The following DDAH1 variants were observed in gnomAD, a reference collection of about 807,000 sequenced individuals.
The protein encoded by DDAH1 is N(G),N(G)-dimethylarginine dimethylaminohydrolase 1.
A neutral mutation model predicts 28.8 loss-of-function variants in DDAH1; 19 were observed. That is an observed-to-expected ratio of 0.66 (90% CI 0.46 to 0.97). DDAH1 has a LOEUF of 0.97. DDAH1 is among the 50% of genes least tolerant of loss of function. The pLI is 0.00. For synonymous variants in DDAH1, 153 were observed against 154.4 expected (o/e 0.99, Z 0.07); for missense variants, 326 against 375.9 (o/e 0.87, Z 1.10).
At chr1:85,383,828 C>T (rs533968984) in intron 1 of DDAH1, among the ~76,000 whole-genome samples, 2 of 152,248 alleles carry the variant, frequency 1.3e-5, no homozygotes, top group South Asian at 4.2e-4. Context: ...ATTTTTTAGC[C>T]ATAAAATATT....
intron 1 of DDAH1, among the ~76,000 whole-genome samples, chr1:85,443,609 A>G (rs1489990141): frequency 6.6e-6 from 1 of 152,174 alleles, no homozygotes; most frequent in Non-Finnish European, 1.5e-5. Context: ...TCTATAAATT[A>G]CCTTGGGCAG....
intron 1 of DDAH1, among the ~76,000 whole-genome samples, chr1:85,446,050 G>A (rs1654413133): frequency 6.6e-6 from 1 of 152,176 alleles, no homozygotes; most frequent in Non-Finnish European, 1.5e-5. Context: ...GTGCATGTCT[G>A]ACTGTGGCAT....
intron 1 of DDAH1, among the ~76,000 whole-genome samples, chr1:85,400,177 C>CTTTTTTTT (rs61677601): frequency 5.5e-5 from 3 of 54,932 alleles, no homozygotes; most frequent in African/African-American, 1.1e-4. Context: ...CTTTTCTTTT[C>CTTTTTTTT]TTTTTTTTTT....
chr1:85,331,438 T>A (rs1359371470), intron 4 of DDAH1, among the ~76,000 whole-genome samples: 1 of 151,362 alleles, frequency 6.6e-6, no homozygotes, highest in South Asian at 2.1e-4. Flanking sequence ...TATATATATA[T>A]AACATAATGT....
At chr1:85,570,363 G>GACAC (rs1557770693) in intron 1 of DDAH1, among the ~76,000 whole-genome samples, 6 of 46,466 alleles carry the variant, frequency 1.3e-4, no homozygotes, top group African/African-American at 4.1e-4. Flanking sequence ...CACACACACT[G>GACAC]TCACACACAC....
intron 1 of DDAH1, among the ~76,000 whole-genome samples, chr1:85,559,396 A>C (rs1307705603): frequency 1.3e-5 from 2 of 152,228 alleles, no homozygotes; most frequent in Non-Finnish European, 2.9e-5. Flanking sequence ...TATTTAAAGA[A>C]TGACAACAAA....
chr1:85,360,651 A>G (rs1557521029), intron 1 of DDAH1, among the ~76,000 whole-genome samples: 1 of 152,206 alleles, frequency 6.6e-6, no homozygotes, highest in East Asian at 1.9e-4. Flanking sequence ...GAGCAATAAC[A>G]TAAATTTTGG....
intron 2 of DDAH1, among the ~76,000 whole-genome samples, chr1:85,471,241 G>A (rs1173049110): frequency 6.6e-6 from 1 of 152,182 alleles, no homozygotes; most frequent in Non-Finnish European, 1.5e-5. Context: ...TATGGTTCCA[G>A]CTCTCAGCTG....
At chr1:85,493,852 T>C (rs750356890) in intron 2 of DDAH1, 14 of 152,230 alleles carry the variant, frequency 9.2e-5, no homozygotes, top group Non-Finnish European at 1.8e-4. Flanking sequence ...CCAACGCATC[T>C]AATAAATTAA....
intron 4 of DDAH1, among the ~76,000 whole-genome samples, chr1:85,347,002 G>A (rs531706012): frequency 0.031 from 4,722 of 152,064 alleles, 96 homozygotes; most frequent in Non-Finnish European, 0.05. Flanking sequence ...GCAGCCAACA[G>A]ACACATGAAA....
intron 1 of DDAH1, among the ~76,000 whole-genome samples, chr1:85,524,264 C>T (rs535388527): frequency 7.3e-6 from 1 of 136,876 alleles, no homozygotes; most frequent in African/African-American, 2.7e-5. Context: ...ATGCTAAGTG[C>T]CTTACTTGGA....
intron 1 of DDAH1, among the ~76,000 whole-genome samples, chr1:85,548,399 G>T (rs1201529700): frequency 6.6e-6 from 1 of 152,124 alleles, no homozygotes; most frequent in Non-Finnish European, 1.5e-5. Context: ...TGACTCCAAA[G>T]CTTGTACTAT....
intron 1 of DDAH1, among the ~76,000 whole-genome samples, chr1:85,549,551 C>G (rs977713578): frequency 6.6e-6 from 1 of 152,220 alleles, no homozygotes; most frequent in Non-Finnish European, 1.5e-5. Context: ...ATCTCTGCTT[C>G]CATCATCAAG....
At chr1:85,358,718 CT>C in intron 2 of DDAH1, 29 bp downstream of exon 2, 1 of 1,426,050 alleles carries the variant, frequency 7.0e-7, no homozygotes, top group East Asian at 2.3e-5. Context: ...TAAAAATATT[CT>C]TGGATAGAAA....
intron 1 of DDAH1, chr1:85,399,165 G>C (rs939394293): frequency 6.6e-6 from 1 of 152,130 alleles, no homozygotes; most frequent in Non-Finnish European, 1.5e-5. Flanking sequence ...GGGGATCCTA[G>C]ATAAAGGAGC....
intron 1 of DDAH1, among the ~76,000 whole-genome samples, chr1:85,539,814 T>C (rs1658415221): frequency 6.6e-6 from 1 of 152,088 alleles, no homozygotes; most frequent in South Asian, 2.1e-4. Context: ...TTGCCTTTCT[T>C]CTTTTTGAAA....
intron 1 of DDAH1, among the ~76,000 whole-genome samples, chr1:85,557,449 T>C (rs1003935859): frequency 1.6e-4 from 25 of 152,214 alleles, no homozygotes; most frequent in African/African-American, 5.5e-4. Context: ...TACTGAAGTG[T>C]AGAAAGGCCA....
chr1:85,353,280 C>T (rs574776718), intron 2 of DDAH1, among the ~76,000 whole-genome samples: 1 of 152,112 alleles, frequency 6.6e-6, no homozygotes, highest in East Asian at 1.9e-4. Context: ...ATTGAAATTC[C>T]ACATAATATG....
chr1:85,462,876 A>G (rs1444130456), intron 1 of DDAH1, among the ~76,000 whole-genome samples: 2 of 152,268 alleles, frequency 1.3e-5, no homozygotes, highest in African/African-American at 4.8e-5. Flanking sequence ...ACATCAGTGT[A>G]TAGCTGACTT....
Sources: allele counts gnomAD v4.1 joint callset (sites outside exome capture counted in the v4.1 genomes callset), GRCh38; gene constraint gnomAD v4.1.1; transcripts MANE v1.5; gene names NCBI Gene and HGNC (gene_info 2026-07-23, HGNC 2026-07-21).